Variants in NCAM1 observed in about 807,000 individuals in gnomAD.
The protein encoded by NCAM1 is neural cell adhesion molecule 1.
Under a neutral mutation model 109.8 loss-of-function variants are expected in NCAM1, and 14 were observed. The observed-to-expected ratio is 0.13, with a 90% CI of 0.08 to 0.20. The LOEUF (loss-of-function observed/expected upper bound fraction) is 0.20. Among genes scored for constraint, NCAM1 ranks in the 10% least tolerant of loss-of-function variants. The probability of loss-of-function intolerance (pLI) is 1.00; values close to 1 mark genes in which losing one functional copy is unlikely to be tolerated. For missense variants in NCAM1, 774 were observed against 1,109.9 expected, an observed-to-expected ratio of 0.70 and a Z score of 4.30; for synonymous variants, 418 against 442.9, an observed-to-expected ratio of 0.94 and a Z score of 0.70.
chr11:113,093,004 T>A (rs1179095146), intron 1 of NCAM1, among the ~76,000 whole-genome samples: 3 of 152,214 alleles, frequency 2.0e-5, no homozygotes, highest in African/African-American at 7.2e-5. Context: ...GCAGATAGAA[T>A]TTTCTTCATT....
At chr11:113,158,765 C>A (rs1026497739) in intron 1 of NCAM1, among the ~76,000 whole-genome samples, 1 of 152,120 alleles carries the variant, frequency 6.6e-6, no homozygotes, top group Non-Finnish European at 1.5e-5. Flanking sequence ...CATAGCTGTC[C>A]AGTGAACATT....
At chr11:113,037,489 G>C (rs1555079362) in intron 1 of NCAM1, among the ~76,000 whole-genome samples, 1 of 152,152 alleles carries the variant, frequency 6.6e-6, no homozygotes, top group East Asian at 1.9e-4. Flanking sequence ...ACTGGTGCTG[G>C]TATGGGAACG....
chr11:112,975,737 T>C (rs1950989115), intron 1 of NCAM1, among the ~76,000 whole-genome samples: 1 of 152,018 alleles, frequency 6.6e-6, no homozygotes, highest in Admixed American at 6.6e-5. Context: ...TTGAACTAAA[T>C]TGGCTTTGGA....
chr11:113,239,270 G>C (rs1945258122), intron 14 of NCAM1, among the ~76,000 whole-genome samples: 1 of 152,144 alleles, frequency 6.6e-6, no homozygotes, highest in African/African-American at 2.4e-5. Flanking sequence ...TAAGCCAAAT[G>C]TCTGCATGCC....
chr11:113,236,378 C>CG (rs1261236717), intron 14 of NCAM1: 1 of 1,569,080 alleles, frequency 6.4e-7, no homozygotes, highest in Non-Finnish European at 8.8e-7. Context: ...AGTTCTAGTT[C>CG]GTAATTTAGT....
intron 1 of NCAM1, among the ~76,000 whole-genome samples, chr11:113,162,799 A>G (rs1181049798): frequency 1.3e-5 from 2 of 152,188 alleles, no homozygotes; most frequent in African/African-American, 2.4e-5. Context: ...AGACACAGGC[A>G]GTGGAGACGC....
At chr11:113,058,376 A>C (rs1239583852) in intron 1 of NCAM1, among the ~76,000 whole-genome samples, 1 of 152,174 alleles carries the variant, frequency 6.6e-6, no homozygotes, top group Non-Finnish European at 1.5e-5. Context: ...AATGAGAAGG[A>C]ATGTCAGGGA....
At chr11:113,261,706 G>A (rs1347273167) in intron 17 of NCAM1, among the ~76,000 whole-genome samples, 3 of 152,192 alleles carry the variant, frequency 2.0e-5, no homozygotes, top group Non-Finnish European at 4.4e-5. Flanking sequence ...TGAATGTCCA[G>A]ATCTGTCTGG....
intron 1 of NCAM1, among the ~76,000 whole-genome samples, chr11:113,073,376 G>A (rs1938379321): frequency 6.6e-6 from 1 of 152,174 alleles, no homozygotes; most frequent in South Asian, 2.1e-4. Context: ...AAGAGGGTAA[G>A]AAAGAGAGAG....
intron 1 of NCAM1, among the ~76,000 whole-genome samples, chr11:113,064,181 T>C (rs987999747): frequency 2.5e-4 from 38 of 152,216 alleles, no homozygotes; most frequent in Admixed American, 2.1e-3. Flanking sequence ...TGGGGAGATG[T>C]GGAAATTGCA....
At chr11:113,039,787 ATATAT>A (rs1953011259) in intron 1 of NCAM1, among the ~76,000 whole-genome samples, 1 of 152,206 alleles carries the variant, frequency 6.6e-6, no homozygotes, top group Non-Finnish European at 1.5e-5. Context: ...AATTTTAATA[ATATAT>A]TCTGTTCAAC....
intron 8 of NCAM1, among the ~76,000 whole-genome samples, chr11:113,219,621 C>T (rs1555114914): frequency 1.3e-5 from 2 of 152,222 alleles, no homozygotes; most frequent in African/African-American, 4.8e-5. Flanking sequence ...TATCTTTCCA[C>T]CAGGCACAAA....
intron 8 of NCAM1, among the ~76,000 whole-genome samples, chr11:113,216,242 G>C (rs2137038904): frequency 1.4e-5 from 2 of 146,456 alleles, no homozygotes; most frequent in Admixed American, 1.4e-4. Context: ...TCCGCCCCCT[G>C]GGGTTCCCGC....
chr11:113,204,541 C>T, intron 3 of NCAM1, 37 bp downstream of exon 3: 2 of 1,597,380 alleles, frequency 1.3e-6, no homozygotes, highest in Middle Eastern at 1.7e-4. Flanking sequence ...TCTCTGGCCT[C>T]TCCTTGCCAA....
intron 1 of NCAM1, among the ~76,000 whole-genome samples, chr11:113,160,270 G>T (rs1438715552): frequency 6.6e-6 from 1 of 152,176 alleles, no homozygotes; most frequent in East Asian, 1.9e-4. Flanking sequence ...TTGACAGCAT[G>T]AATGCAATCA....
At chr11:113,094,173 C>T (rs190433060) in intron 1 of NCAM1, among the ~76,000 whole-genome samples, 151 of 152,222 alleles carry the variant, frequency 9.9e-4, no homozygotes, top group Non-Finnish European at 1.6e-3. Flanking sequence ...CATCTGTTGA[C>T]CATTTGGCCA....
chr11:113,091,030 AGAATAATAGTGACTTG>A (rs1323436349), intron 1 of NCAM1, among the ~76,000 whole-genome samples: 4 of 152,218 alleles, frequency 2.6e-5, no homozygotes, highest in African/African-American at 9.6e-5. Context: ...AGTATAGAAC[AGAATAATAGTGACTTG>A]GAGTATGTGT....
At chr11:113,239,499 C>CAT (rs1161936840) in intron 14 of NCAM1, among the ~76,000 whole-genome samples, 19 of 110,218 alleles carry the variant, frequency 1.7e-4, no homozygotes, top group Admixed American at 1.1e-4. Context: ...TGAGTCTCTA[C>CAT]TTTTTTTTTT....
At chr11:113,031,368 G>A (rs1349660088) in intron 1 of NCAM1, among the ~76,000 whole-genome samples, 1 of 152,114 alleles carries the variant, frequency 6.6e-6, no homozygotes, top group African/African-American at 2.4e-5. Context: ...ACCGTCAAAA[G>A]CACAAAAATG....
Sources: allele counts gnomAD v4.1 joint callset (sites outside exome capture counted in the v4.1 genomes callset), GRCh38; gene constraint gnomAD v4.1.1; transcripts MANE v1.5; gene names NCBI Gene and HGNC (gene_info 2026-07-23, HGNC 2026-07-21).